Variants in GRB14 observed in about 807,000 individuals in gnomAD.
GRB14 encodes growth factor receptor bound protein 14.
GRB14 carries 38 observed loss-of-function variants against 69.1 expected under a neutral mutation model. The observed-to-expected ratio is 0.55, with a 90% CI of 0.42 to 0.72. The LOEUF (loss-of-function observed/expected upper bound fraction) is 0.72. Ranked by LOEUF, GRB14 falls within the 30% of genes least tolerant of loss-of-function variation. GRB14 has a pLI of 0.00. For missense variants in GRB14, 666 were observed against 666.1 expected (o/e 1.00, Z 0.00); for synonymous variants, 247 against 241.3 (o/e 1.02, Z -0.22).
At chr2:164,515,792 C>T (rs1304286197) in intron 6 of GRB14, among the ~76,000 whole-genome samples, 1 of 97,576 alleles carries the variant, frequency 1.0e-5, no homozygotes, top group African/African-American at 4.0e-5. Context: ...AGGTGAAGTT[C>T]AACTTAGTGA....
At chr2:164,522,234 T>A (rs1440996710) in intron 5 of GRB14, 117 bp from the exon 6 acceptor site, 23 of 647,060 alleles carry the variant, frequency 3.6e-5, no homozygotes, top group Non-Finnish European at 5.4e-6. Flanking sequence ...GATCATAACA[T>A]ATAACATTAT....
chr2:164,530,229 G>A (rs1225890969), intron 3 of GRB14, among the ~76,000 whole-genome samples: 1 of 152,084 alleles, frequency 6.6e-6, no homozygotes, highest in East Asian at 1.9e-4. Flanking sequence ...GGGGGAGCAG[G>A]CGTGTCACAC....
rs1276985834 is a variant in GRB14, at chr2:164,621,382, G to A, written c.-73C>T. 2.5e-6 allele frequency: 3 copies of A among 1,184,644 alleles called. No homozygotes were observed. Among genetic ancestry groups the A allele is most frequent in the Non-Finnish European group, 2.1e-6 (2 of 942,240 alleles). The allele number at this position is 1,184,644 out of a possible 1,614,324, so 73.4% of individuals were successfully genotyped here. On this transcript the variant is annotated 5_prime_UTR_variant, in exon 1 of 14. Transcript: ENST00000263915. This position sits in a 1 kb window ranked among gnomAD's most constrained non-coding sequence, Gnocchi z 6.0. ...GGAGAAGGGGTTTGCGCGGCGGGAG[G>A]CGAGGTGCCGGCTAGGCAGCCCGAG...
intron 2 of GRB14, among the ~76,000 whole-genome samples, chr2:164,570,452 T>C (rs1255836055): frequency 6.6e-6 from 1 of 152,178 alleles, no homozygotes; most frequent in Admixed American, 6.5e-5. Context: ...CACTGTCTCA[T>C]AGTGGAATAG....
intron 8 of GRB14, 140 bp downstream of exon 8, chr2:164,508,315 A>G (rs1222656823): frequency 6.4e-6 from 4 of 629,346 alleles, no homozygotes; most frequent in African/African-American, 3.7e-5. Flanking sequence ...AGAATTTTAA[A>G]AACATACACA....
At chr2:164,514,202 G>A (rs1687418915) in intron 6 of GRB14, among the ~76,000 whole-genome samples, 3 of 152,214 alleles carry the variant, frequency 2.0e-5, no homozygotes. Context: ...AGGAACAGGA[G>A]GCAGGACTAA....
intron 2 of GRB14, among the ~76,000 whole-genome samples, chr2:164,562,263 G>A (rs1052982947): frequency 5.9e-5 from 9 of 152,084 alleles, no homozygotes; most frequent in Non-Finnish European, 1.2e-4. Context: ...AGAAGTCCCC[G>A]TCTAATACTC....
At chr2:164,574,050 C>A in intron 2 of GRB14, 1 of 1,171,638 alleles carries the variant, frequency 8.5e-7, no homozygotes. Flanking sequence ...AAATATGTAG[C>A]CTAGATCTTC....
intron 6 of GRB14, among the ~76,000 whole-genome samples, chr2:164,519,412 A>G (rs887431106): frequency 4.6e-5 from 7 of 152,140 alleles, no homozygotes; most frequent in Non-Finnish European, 1.0e-4. Flanking sequence ...ATACTGAATG[A>G]GGAAAGGTTG....
chr2:164,581,773 A>ATC (rs1298317412), intron 2 of GRB14, among the ~76,000 whole-genome samples: 1 of 151,986 alleles, frequency 6.6e-6, no homozygotes, highest in Non-Finnish European at 1.5e-5. Context: ...CTATATTATG[A>ATC]TCTCTTCTCT....
intron 2 of GRB14, among the ~76,000 whole-genome samples, chr2:164,615,246 G>A (rs1690260971): frequency 6.6e-6 from 1 of 151,956 alleles, no homozygotes; most frequent in Non-Finnish European, 1.5e-5. Context: ...ACAAAAGCTG[G>A]TTATTAATAA....
chr2:164,616,099 C>T (rs1690285811), intron 2 of GRB14, among the ~76,000 whole-genome samples: 1 of 151,886 alleles, frequency 6.6e-6, no homozygotes, highest in South Asian at 2.1e-4. Flanking sequence ...GAAATCTGGC[C>T]ATCATTATAA....
chr2:164,606,434 T>A (rs1376824109), intron 2 of GRB14, among the ~76,000 whole-genome samples: 3 of 152,212 alleles, frequency 2.0e-5, no homozygotes, highest in African/African-American at 7.2e-5. Context: ...TTGAAGAGAC[T>A]TTCATTACGA....
intron 2 of GRB14, among the ~76,000 whole-genome samples, chr2:164,580,417 A>G (rs1689372440): frequency 6.9e-6 from 1 of 145,756 alleles, no homozygotes; most frequent in South Asian, 2.5e-4. Context: ...TTTAGAGTGT[A>G]TTCTAGGCTG....
At chr2:164,542,003 G>T (rs1688251514) in intron 3 of GRB14, among the ~76,000 whole-genome samples, 1 of 151,974 alleles carries the variant, frequency 6.6e-6, no homozygotes, top group Non-Finnish European at 1.5e-5. Flanking sequence ...AAGCTGGAGG[G>T]GTCACATTAC....
chr2:164,587,804 G>A (rs1050618634), intron 2 of GRB14, among the ~76,000 whole-genome samples: 3 of 152,020 alleles, frequency 2.0e-5, no homozygotes, highest in South Asian at 2.1e-4. Flanking sequence ...CAAAACCAAC[G>A]GGAAAGAAAA....
At chr2:164,509,453 C>T (rs753047677) in intron 6 of GRB14, among the ~76,000 whole-genome samples, 3 of 152,116 alleles carry the variant, frequency 2.0e-5, no homozygotes, top group Admixed American at 6.6e-5. Context: ...TGATTTTCAA[C>T]GCAAAGTGGA....
intron 4 of GRB14, among the ~76,000 whole-genome samples, chr2:164,525,544 T>C (rs1687749068): frequency 6.6e-6 from 1 of 152,062 alleles, no homozygotes; most frequent in Non-Finnish European, 1.5e-5. Flanking sequence ...CAGTTCTTTC[T>C]ACCTACCATT....
At chr2:164,505,859 T>C (rs1054172375) in intron 8 of GRB14, among the ~76,000 whole-genome samples, 15 of 152,176 alleles carry the variant, frequency 9.9e-5, no homozygotes, top group Non-Finnish European at 1.8e-4. Flanking sequence ...TTTTTTTCCT[T>C]TTAATGCTAA....
Sources: gnomAD v4.1 joint callset for allele counts (sites outside exome capture counted in the v4.1 genomes callset) on GRCh38, gnomAD v4.1.1 for gene constraint, Gnocchi (gnomAD v3.1) non-coding constraint, MANE v1.5 for transcripts, NCBI Gene and HGNC (gene_info 2026-07-23, HGNC 2026-07-21) for gene names.